RCHY1: variants seen among roughly 807,000 people sequenced by gnomAD.
RCHY1 encodes the protein RING finger and CHY zinc finger domain-containing protein 1.
RCHY1 carries 21 observed loss-of-function variants against 41.6 expected under a neutral mutation model. That is an observed-to-expected ratio of 0.51 (90% CI 0.36 to 0.73). The LOEUF is 0.73. RCHY1 is among the 30% of genes least tolerant of loss of function. RCHY1 has a pLI of 0.00. For missense variants in RCHY1, 265 were observed against 325.3 expected (o/e 0.81, Z 1.43); for synonymous variants, 79 against 102.9 (o/e 0.77, Z 1.41).
chr4:75,507,358 T>C (rs1382213205), intron 3 of RCHY1, among the ~76,000 whole-genome samples: 1 of 151,628 alleles, frequency 6.6e-6, no homozygotes, highest in Non-Finnish European at 1.5e-5. Context: ...AATTGAAAAA[T>C]GTATAACTAA....
chr4:75,503,679 G>A (rs1020209207), intron 3 of RCHY1, among the ~76,000 whole-genome samples: 2 of 151,764 alleles, frequency 1.3e-5, no homozygotes, highest in African/African-American at 4.8e-5. Flanking sequence ...GTGACAGAGT[G>A]GGACTCCATC....
At chr4:75,509,981 CTT>C (rs1724716483) in intron 1 of RCHY1, among the ~76,000 whole-genome samples, 1 of 152,164 alleles carries the variant, frequency 6.6e-6, no homozygotes, top group Admixed American at 6.5e-5. Flanking sequence ...CAGGCAACCT[CTT>C]CTTAGACATT....
chr4:75,504,048 T>C (rs1205337005), intron 3 of RCHY1, among the ~76,000 whole-genome samples: 1 of 152,236 alleles, frequency 6.6e-6, no homozygotes, highest in Non-Finnish European at 1.5e-5. Flanking sequence ...TGTATTTGAA[T>C]TTGGTAATAT....
At position 75,514,130 on chromosome 4, in the gene RCHY1, C is replaced by T. The variant is rs142909055; in HGVS notation, c.90+67G>A. Reference sequence around the variant, plus strand: ...TCAAACTTAAATCCAAGCCTAACCACCTGCCCAGCCCGCCCCAGCCCAACC... The same window carrying T: ...TCAAACTTAAATCCAAGCCTAACCATCTGCCCAGCCCGCCCCAGCCCAACC... On this transcript the variant is annotated intron_variant, in intron 1 of 8. Transcript: ENST00000324439. 1.7e-3 allele frequency: 2,625 copies of T among 1,566,026 alleles called. 22 individuals carry two copies. The highest frequency in any genetic ancestry group is 2.9e-3 in the South Asian group (258 of 88,050).
At chr4:75,483,684 T>C (rs545758351) in intron 8 of RCHY1, among the ~76,000 whole-genome samples, 1 of 152,304 alleles carries the variant, frequency 6.6e-6, no homozygotes, top group African/African-American at 2.4e-5. Context: ...TATCGGTTAG[T>C]ATTCCAAAAG....
At chr4:75,505,310 G>A (rs1471760170) in intron 3 of RCHY1, among the ~76,000 whole-genome samples, 2 of 152,152 alleles carry the variant, frequency 1.3e-5, no homozygotes, top group African/African-American at 2.4e-5. Flanking sequence ...CCATGCACCA[G>A]AATCCGCACC....
intron 3 of RCHY1, among the ~76,000 whole-genome samples, chr4:75,498,717 G>GA (rs1463165001): frequency 6.6e-6 from 1 of 151,986 alleles, no homozygotes; most frequent in South Asian, 2.1e-4. Flanking sequence ...AAATGGTGCA[G>GA]AAAAAAACAG....
intron 2 of RCHY1, 85 bp from the exon 3 acceptor site, chr4:75,509,020 A>G: frequency 1.7e-6 from 2 of 1,153,114 alleles, no homozygotes; most frequent in South Asian, 3.0e-5. Flanking sequence ...GTTCAACTAT[A>G]TGCAGTTTAT....
At chr4:75,492,050 A>G in intron 4 of RCHY1, 117 bp from the exon 5 acceptor site, 2 of 656,880 alleles carry the variant, frequency 3.0e-6, no homozygotes, top group Non-Finnish European at 4.9e-6. Flanking sequence ...AGCTAACATT[A>G]ATATATGCTT....
chr4:75,494,406 A>G (rs918624626), intron 3 of RCHY1: 4 of 414,074 alleles, frequency 9.7e-6, no homozygotes, highest in African/African-American at 4.2e-5. Flanking sequence ...TAAAATTGCA[A>G]AAAGAGAGAA....
chr4:75,511,074 T>C (rs1724817440), intron 1 of RCHY1, among the ~76,000 whole-genome samples: 2 of 152,346 alleles, frequency 1.3e-5, no homozygotes, highest in South Asian at 4.1e-4. Context: ...ATATGATTGA[T>C]ATGATGCCTC....
At position 75,514,325 on chromosome 4, in the gene RCHY1, C is replaced by G; in HGVS notation, c.-39G>C. The G allele has an allele frequency of 1.9e-6, 3 of 1,592,566 alleles. No homozygotes were observed. Among genetic ancestry groups the G allele is most frequent in the South Asian group, 1.1e-5 (1 of 90,124 alleles). ...CCTCACATTCCACCGATCCTTCCCC[C>G]AGGATAAAAACCACGCCCAGAGAAG... On this transcript the variant is annotated 5_prime_UTR_variant, in exon 1 of 9. Transcript: ENST00000324439.
At chr4:75,501,220 G>A (rs1197373518) in intron 3 of RCHY1, among the ~76,000 whole-genome samples, 1 of 152,174 alleles carries the variant, frequency 6.6e-6, no homozygotes, top group Non-Finnish European at 1.5e-5. Context: ...TGTTGGTCAG[G>A]CTGGTCTCAA....
At chr4:75,514,081 G>T in intron 1 of RCHY1, 116 bp downstream of exon 1, 3 of 1,482,380 alleles carry the variant, frequency 2.0e-6, no homozygotes, top group South Asian at 1.3e-5. Flanking sequence ...AGGTGGAAAA[G>T]GTATCCTGAA....
rs528450988 is a variant in RCHY1, at chr4:75,496,742, C to T, written c.327-2563G>A. 3.3e-5 allele frequency among the ~76,000 whole-genome samples: 5 copies of T among 152,198 alleles called. No individual in the cohort carries two copies. In the South Asian group the frequency reaches 1.0e-3, roughly 32 times the overall value. ...AAACTGTTTCCAAGTAACTTAACTG[C>T]ATCCCAAAATAAAGCTCAAGAAGAT... On this transcript the variant is annotated intron_variant, in intron 3 of 8. Transcript: ENST00000324439.
intron 3 of RCHY1, among the ~76,000 whole-genome samples, chr4:75,501,335 AT>A (rs1181051196): frequency 6.6e-6 from 1 of 152,216 alleles, no homozygotes; most frequent in Non-Finnish European, 1.5e-5. Context: ...TATCTAAAAA[AT>A]AATAGTCATT....
At chr4:75,487,880 AATATATATATTC>A (rs372110501) in intron 8 of RCHY1, among the ~76,000 whole-genome samples, 19,485 of 101,518 alleles carry the variant, frequency 0.19, 2,732 homozygotes, top group African/African-American at 0.26. Flanking sequence ...ATATATTCAT[AATATATATATTC>A]ATATATATAT....
At chr4:75,511,645 G>A (rs1485764795) in intron 1 of RCHY1, among the ~76,000 whole-genome samples, 2 of 151,960 alleles carry the variant, frequency 1.3e-5, no homozygotes, top group Non-Finnish European at 2.9e-5. Flanking sequence ...GTTGAGATTT[G>A]GTTAAAATTA....
At chr4:75,502,537 C>T (rs1458211032) in intron 3 of RCHY1, among the ~76,000 whole-genome samples, 1 of 151,354 alleles carries the variant, frequency 6.6e-6, no homozygotes, top group Non-Finnish European at 1.5e-5. Flanking sequence ...GAGACTCCGT[C>T]TCAAAAAAAA....
Sources: allele counts gnomAD v4.1 joint callset (sites outside exome capture counted in the v4.1 genomes callset), GRCh38; gene constraint gnomAD v4.1.1; transcripts MANE v1.5; gene names NCBI Gene and HGNC (gene_info 2026-07-23, HGNC 2026-07-21).